The following MAP2 variants were observed in gnomAD, a reference collection of about 807,000 sequenced individuals.
MAP2 encodes microtubule-associated protein 2.
In MAP2, 14 loss-of-function variants were observed where a neutral mutation model predicts 137.6. The observed-to-expected ratio is 0.10, with a 90% CI of 0.07 to 0.16. The LOEUF (loss-of-function observed/expected upper bound fraction) is 0.16, where lower values mean the gene tolerates loss of function less well. Among genes scored for constraint, MAP2 ranks in the 10% least tolerant of loss-of-function variants. MAP2 has a pLI of 1.00. For missense variants in MAP2, 2,088 were observed against 2,191.5 expected, an observed-to-expected ratio of 0.95 and a Z score of 0.94; for synonymous variants, 786 against 782.3, an observed-to-expected ratio of 1.00 and a Z score of -0.08.
intron 3 of MAP2, among the ~76,000 whole-genome samples, chr2:209,588,153 A>T (rs1269316451): frequency 6.6e-6 from 1 of 152,180 alleles, no homozygotes; most frequent in African/African-American, 2.4e-5. Context: ...AATGGACAGC[A>T]CTGGTCTTCT....
chr2:209,485,071 A>G (rs2058207861), intron 1 of MAP2, among the ~76,000 whole-genome samples: 1 of 152,218 alleles, frequency 6.6e-6, no homozygotes, highest in Non-Finnish European at 1.5e-5. Context: ...ACTTTCTGTA[A>G]CTGCTGGAGC....
At chr2:209,716,389 G>A (rs910064760) in intron 13 of MAP2, among the ~76,000 whole-genome samples, 1 of 152,236 alleles carries the variant, frequency 6.6e-6, no homozygotes, top group Admixed American at 6.5e-5. Flanking sequence ...TGTCATGACA[G>A]TTATTATCCA....
intron 1 of MAP2, among the ~76,000 whole-genome samples, chr2:209,434,897 TA>T (rs1695455116): frequency 1.5e-5 from 2 of 135,484 alleles, no homozygotes; most frequent in Non-Finnish European, 3.1e-5. Context: ...ATATATATGT[TA>T]TATATATATG....
intron 1 of MAP2, among the ~76,000 whole-genome samples, chr2:209,431,011 A>T (rs1373484444): frequency 6.6e-6 from 1 of 152,034 alleles, no homozygotes. Flanking sequence ...AGTTTTTTTC[A>T]TTTGTTTAAG....
chr2:209,536,459 C>T (rs1370048983), intron 2 of MAP2, among the ~76,000 whole-genome samples: 1 of 152,198 alleles, frequency 6.6e-6, no homozygotes, highest in Non-Finnish European at 1.5e-5. Flanking sequence ...TTTCTTGACT[C>T]TTGTTCAGTC....
chr2:209,627,042 A>G (rs1471435432), intron 4 of MAP2, among the ~76,000 whole-genome samples: 1 of 152,088 alleles, frequency 6.6e-6, no homozygotes, highest in Admixed American at 6.6e-5. Flanking sequence ...TACTAATCTA[A>G]TGGGACTCAT....
intron 1 of MAP2, among the ~76,000 whole-genome samples, chr2:209,453,723 C>T (rs1700820448): frequency 6.6e-6 from 1 of 151,940 alleles, no homozygotes; most frequent in Admixed American, 6.6e-5. Flanking sequence ...CCAAAGGATT[C>T]CCTATTCTTT....
intron 3 of MAP2, among the ~76,000 whole-genome samples, chr2:209,582,215 T>C (rs1399378229): frequency 1.3e-5 from 2 of 152,160 alleles, no homozygotes; most frequent in Non-Finnish European, 2.9e-5. Flanking sequence ...AATTATACAC[T>C]GTGAAACAGA....
At chr2:209,591,057 T>TTTTTGTTTTG (rs1051635848) in intron 3 of MAP2, among the ~76,000 whole-genome samples, 1 of 152,208 alleles carries the variant, frequency 6.6e-6, no homozygotes, top group African/African-American at 2.4e-5. Flanking sequence ...TTTGTTTTTG[T>TTTTTGTTTTG]TTTTGTTTTG....
At position 209,544,690 on chromosome 2, in the gene MAP2, T is replaced by C. The variant is rs181198097; in HGVS notation, c.-171-35346T>C. ...AAGTCATTGAATTATTCGGTAAAAG[T>C]AAAAGAGCAAAATAATAATCATGGA... On this transcript the variant is annotated intron_variant, in intron 2 of 15. Coordinates refer to ENST00000682079, the MANE Select transcript of MAP2 (RefSeq NM_001375505.1). Among the ~76,000 whole-genome samples, 10 of 152,316 alleles carry C rather than the reference T, an allele frequency of 6.6e-5. No homozygotes were observed. In the East Asian group the frequency reaches 1.7e-3, roughly 26 times the overall value.
intron 1 of MAP2, among the ~76,000 whole-genome samples, chr2:209,506,337 T>C (rs2061054165): frequency 6.6e-6 from 1 of 152,230 alleles, no homozygotes; most frequent in Non-Finnish European, 1.5e-5. Context: ...CTTTGTCTTA[T>C]TTTATACTGT....
At position 209,641,888 on chromosome 2, in the gene MAP2, A is replaced by G. The variant is rs150217404; in HGVS notation, c.-29-11254A>G. On this transcript the variant is annotated intron_variant, in intron 4 of 15. Coordinates refer to ENST00000682079, the MANE Select transcript of MAP2 (RefSeq NM_001375505.1). ...CATAAAGACAATTGCCCAGTTTCAT[A>G]TGGTAGGTTGTTACCAATCGAGCAG... Among the ~76,000 whole-genome samples the G allele has an allele frequency of 4.0e-3, 607 of 152,228 alleles. 6 individuals are homozygous for G. The highest frequency in any genetic ancestry group is 0.014 in the African/African-American group (572 of 41,520).
intron 2 of MAP2, among the ~76,000 whole-genome samples, chr2:209,569,950 C>T (rs2074117956): frequency 6.6e-6 from 1 of 151,682 alleles, no homozygotes; most frequent in Non-Finnish European, 1.5e-5. Flanking sequence ...AACCCATGAG[C>T]CTATATTGCA....
intron 14 of MAP2, among the ~76,000 whole-genome samples, chr2:209,728,221 G>T (rs923422124): frequency 6.6e-6 from 1 of 152,044 alleles, no homozygotes; most frequent in African/African-American, 2.4e-5. Flanking sequence ...TCTATCAGAG[G>T]CTACCAAAAA....
intron 3 of MAP2, among the ~76,000 whole-genome samples, chr2:209,593,499 T>G (rs777856159): frequency 3.2e-4 from 47 of 146,494 alleles, no homozygotes; most frequent in Non-Finnish European, 2.8e-4. Context: ...GATGCAGGTA[T>G]CAGCAGCGTG....
chr2:209,658,219 C>T (rs986043009), intron 5 of MAP2, among the ~76,000 whole-genome samples: 1 of 151,736 alleles, frequency 6.6e-6, no homozygotes, highest in African/African-American at 2.4e-5. Flanking sequence ...AGTGACCTTT[C>T]AAATTTTAAG....
intron 1 of MAP2, among the ~76,000 whole-genome samples, chr2:209,459,393 T>G (rs1702242089): frequency 6.6e-6 from 1 of 152,162 alleles, no homozygotes; most frequent in Non-Finnish European, 1.5e-5. Context: ...TATTTTCCTC[T>G]GGAACTTACT....
At chr2:209,619,068 A>G (rs569732103) in intron 3 of MAP2, among the ~76,000 whole-genome samples, 1 of 152,292 alleles carries the variant, frequency 6.6e-6, no homozygotes, top group South Asian at 2.1e-4. Flanking sequence ...AAATCTTTAA[A>G]TGTTGATCTC....
intron 3 of MAP2, among the ~76,000 whole-genome samples, chr2:209,604,153 A>C (rs2083870557): frequency 7.9e-5 from 12 of 152,188 alleles, no homozygotes. Context: ...GCTATAGCTT[A>C]GGGTAGGGCC....
Sources: allele counts gnomAD v4.1 joint callset (sites outside exome capture counted in the v4.1 genomes callset), GRCh38; gene constraint gnomAD v4.1.1; transcripts MANE v1.5; gene names NCBI Gene and HGNC (gene_info 2026-07-23, HGNC 2026-07-21).